Variants in RTN4RL1 observed in about 807,000 individuals in gnomAD.
The protein encoded by RTN4RL1 is reticulon-4 receptor-like 1.
RTN4RL1 carries 7 observed loss-of-function variants against 25.6 expected under a neutral mutation model. That is an observed-to-expected ratio of 0.27 (90% confidence interval 0.16 to 0.51). RTN4RL1 has a LOEUF of 0.51. Ranked by LOEUF, RTN4RL1 falls within the 20% of genes least tolerant of loss-of-function variation. The pLI, the probability that RTN4RL1 is intolerant of heterozygous loss-of-function variation, is 0.97. For missense variants in RTN4RL1, 500 were observed against 615.6 expected (o/e 0.81, Z 1.99); for synonymous variants, 297 against 288.2 (o/e 1.03, Z -0.31).
chr17:1,980,957 A>G (rs1468265308), intron 1 of RTN4RL1, among the ~76,000 whole-genome samples: 3 of 148,922 alleles, frequency 2.0e-5, no homozygotes, highest in Non-Finnish European at 4.4e-5. Flanking sequence ...GAAGTGGAGC[A>G]GAGTTTCCCA....
rs950802027 is a variant in RTN4RL1 at position 2,013,001 on chromosome 17, C to T, written c.13+11852G>A. ...CACAGACAGGATTTCATCATGTTGA[C>T]CAGGCTAGTCTCGAACTCATGACCT... On this transcript the variant is annotated intron_variant, in intron 1 of 1. Coordinates refer to ENST00000331238, the MANE Select transcript of RTN4RL1 (RefSeq NM_178568.4). Among the ~76,000 whole-genome samples, 5 of 152,204 alleles carry T rather than the reference C, an allele frequency of 3.3e-5. No homozygotes were observed. In the South Asian group the frequency reaches 1.0e-3, roughly 32 times the overall value.
At chr17:1,981,202 G>A (rs1161765281) in intron 1 of RTN4RL1, among the ~76,000 whole-genome samples, 1 of 151,718 alleles carries the variant, frequency 6.6e-6, no homozygotes, top group South Asian at 2.1e-4. Context: ...ACAACATAAG[G>A]AGACTCCGTC....
chr17:2,023,689 C>A (rs984860497), intron 1 of RTN4RL1: 1 of 148,406 alleles, frequency 6.7e-6, no homozygotes, highest in Admixed American at 6.7e-5. Context: ...AACCTCCCCC[C>A]CCTCCACCCC....
chr17:2,016,557 C>T (rs1258726248), intron 1 of RTN4RL1, among the ~76,000 whole-genome samples: 1 of 152,192 alleles, frequency 6.6e-6, no homozygotes, highest in Non-Finnish European at 1.5e-5. Flanking sequence ...TCCACAGCCC[C>T]ACAGTTCCTG....
At position 1,937,774 on chromosome 17, in the gene RTN4RL1, A is replaced by C; in HGVS notation, c.48T>G (p.Ala16=). The C allele has an allele frequency of 6.3e-7, 1 of 1,599,134 alleles. No individual in the cohort carries two copies. The highest frequency in any genetic ancestry group is 8.5e-7 in the Non-Finnish European group (1 of 1,177,224). Residue 16 remains alanine (A), a synonymous_variant, in exon 2 of 2, where the codon GCT becomes GCG. Transcript: ENST00000331238. ...AGCCACCACCCAGGGGCAGCTCCGC[A>C]GCTACCAACAGCAGCAGCAACTCCA... ...CCVELLLLLV[A]AELPLGGGCP...
intron 1 of RTN4RL1, among the ~76,000 whole-genome samples, chr17:1,992,087 G>A (rs917663762): frequency 2.0e-5 from 3 of 152,050 alleles, no homozygotes; most frequent in Admixed American, 1.3e-4. Context: ...TCCTCGTGCC[G>A]GGCGCAGTGG....
chr17:1,972,872 A>G (rs528410600), intron 1 of RTN4RL1, among the ~76,000 whole-genome samples: 71 of 152,372 alleles, frequency 4.7e-4, no homozygotes, highest in African/African-American at 1.7e-3. Flanking sequence ...AGAGGGGACC[A>G]GGCCAGAGAG....
intron 1 of RTN4RL1, among the ~76,000 whole-genome samples, chr17:2,008,107 T>A (rs1003355533): frequency 1.3e-5 from 2 of 151,132 alleles, no homozygotes; most frequent in African/African-American, 4.9e-5. Context: ...CCGTCTCTAC[T>A]AAAAATACAA....
At chr17:1,975,520 G>A (rs753056598) in intron 1 of RTN4RL1, among the ~76,000 whole-genome samples, 7 of 152,038 alleles carry the variant, frequency 4.6e-5, no homozygotes, top group East Asian at 3.8e-4. Flanking sequence ...GTGTGGTGGC[G>A]CGGACCTGTA....
chr17:1,966,122 C>T (rs900995659), intron 1 of RTN4RL1, among the ~76,000 whole-genome samples: 2 of 152,134 alleles, frequency 1.3e-5, no homozygotes, highest in African/African-American at 2.4e-5. Flanking sequence ...CTCATTATTC[C>T]GGTATTCCCA....
intron 1 of RTN4RL1, among the ~76,000 whole-genome samples, chr17:1,981,615 C>T (rs964260791): frequency 1.3e-5 from 2 of 152,216 alleles, no homozygotes; most frequent in Non-Finnish European, 2.9e-5. Flanking sequence ...TGAGCAGCCT[C>T]ACACGAGTCA....
intron 1 of RTN4RL1, among the ~76,000 whole-genome samples, chr17:1,949,558 G>A (rs1433066812): frequency 2.0e-5 from 3 of 152,188 alleles, no homozygotes; most frequent in Admixed American, 6.5e-5. Context: ...TGCGATCAGT[G>A]AAAGGCATTC....
At chr17:1,977,268 A>G (rs7359670) in intron 1 of RTN4RL1, among the ~76,000 whole-genome samples, 38,335 of 152,132 alleles carry the variant, frequency 0.25, 5,136 homozygotes, top group Middle Eastern at 0.32. Flanking sequence ...TCTGGGGAAC[A>G]CCCAGGCAAT....
At chr17:2,008,422 G>A (rs1199230089) in intron 1 of RTN4RL1, among the ~76,000 whole-genome samples, 2 of 152,164 alleles carry the variant, frequency 1.3e-5, no homozygotes, top group Non-Finnish European at 2.9e-5. Context: ...GTGCATCTGC[G>A]TGAACGTAGG....
chr17:1,970,051 T>C (rs1018500199), intron 1 of RTN4RL1, among the ~76,000 whole-genome samples: 2 of 149,554 alleles, frequency 1.3e-5, no homozygotes, highest in Admixed American at 6.7e-5. Context: ...AGATAGAGTT[T>C]CACTCTGTCG....
chr17:1,974,721 G>A (rs2066835226), intron 1 of RTN4RL1, among the ~76,000 whole-genome samples: 1 of 151,656 alleles, frequency 6.6e-6, no homozygotes, highest in African/African-American at 2.4e-5. Context: ...TGTGGGGGTG[G>A]GGAGGGGGGA....
chr17:1,943,292 C>T (rs1014305591), intron 1 of RTN4RL1, among the ~76,000 whole-genome samples: 7 of 152,246 alleles, frequency 4.6e-5, no homozygotes, highest in Non-Finnish European at 8.8e-5. Context: ...GGCTCTGCCC[C>T]CAGCTCCATC....
At chr17:2,003,116 A>G (rs2066970231) in intron 1 of RTN4RL1, 1 of 152,194 alleles carries the variant, frequency 6.6e-6, no homozygotes, top group Admixed American at 6.6e-5. Flanking sequence ...ACCAGGGGGC[A>G]CTGCCAGCTT....
At chr17:1,941,192 C>A (rs1216312458) in intron 1 of RTN4RL1, among the ~76,000 whole-genome samples, 1 of 152,200 alleles carries the variant, frequency 6.6e-6, no homozygotes, top group African/African-American at 2.4e-5. Context: ...CCCGGAGAAG[C>A]TAATAGCGGG....
Sources: allele counts gnomAD v4.1 joint callset (sites outside exome capture counted in the v4.1 genomes callset), GRCh38; gene constraint gnomAD v4.1.1; transcripts MANE v1.5; gene names NCBI Gene and HGNC (gene_info 2026-07-23, HGNC 2026-07-21).